The following MAST4 variants were observed in gnomAD, a reference collection of about 807,000 sequenced individuals.
MAST4 encodes the protein microtubule-associated serine/threonine-protein kinase 4.
A neutral mutation model predicts 162.7 loss-of-function variants in MAST4; 89 were observed. That is an observed-to-expected ratio of 0.55 (90% CI 0.46 to 0.65). MAST4 has a LOEUF of 0.65. MAST4 is among the 30% of genes least tolerant of loss of function. The pLI is 0.00. For synonymous variants in MAST4, 1,479 were observed against 1,361.1 expected, an observed-to-expected ratio of 1.09 and a Z score of -1.91; for missense variants, 3,153 against 3,374.0, an observed-to-expected ratio of 0.93 and a Z score of 1.62.
At chr5:66,724,709 A>C (rs1215432455) in intron 1 of MAST4, among the ~76,000 whole-genome samples, 1 of 152,160 alleles carries the variant, frequency 6.6e-6, no homozygotes, top group Non-Finnish European at 1.5e-5. Context: ...TACTGTAAGC[A>C]GTTGTAACAC....
At chr5:66,640,353 G>C (rs1443245803) in intron 1 of MAST4, among the ~76,000 whole-genome samples, 2 of 151,052 alleles carry the variant, frequency 1.3e-5, no homozygotes, top group Non-Finnish European at 2.9e-5. Flanking sequence ...TGTTGCCCAG[G>C]CTGCACTGCA....
chr5:66,974,162 T>A (rs1457708607), intron 4 of MAST4, among the ~76,000 whole-genome samples: 1 of 152,226 alleles, frequency 6.6e-6, no homozygotes, highest in Non-Finnish European at 1.5e-5. Context: ...TGCTTCATGA[T>A]GTTTCTTATA....
chr5:66,672,373 G>C (rs1433693015), intron 1 of MAST4, among the ~76,000 whole-genome samples: 1 of 151,824 alleles, frequency 6.6e-6, no homozygotes, highest in Non-Finnish European at 1.5e-5. Flanking sequence ...TTTTTATTCT[G>C]TCCCATCCCC....
chr5:66,864,377 G>A (rs546105098), intron 3 of MAST4, among the ~76,000 whole-genome samples: 303 of 152,220 alleles, frequency 2.0e-3, no homozygotes, highest in Non-Finnish European at 3.1e-3. Context: ...TGGGAACAGC[G>A]CAAAGACCAG....
chr5:67,159,028 G>A (rs1214947818), intron 26 of MAST4, among the ~76,000 whole-genome samples: 1 of 152,170 alleles, frequency 6.6e-6, no homozygotes, highest in Non-Finnish European at 1.5e-5. Flanking sequence ...GAGTGAAACT[G>A]TGTCTCAAAA....
intron 4 of MAST4, among the ~76,000 whole-genome samples, chr5:66,957,017 T>C (rs377675054): frequency 1.3e-5 from 2 of 152,174 alleles, no homozygotes; most frequent in African/African-American, 4.8e-5. Context: ...GTGAGTTTTC[T>C]TTTGGGTATG....
chr5:66,734,337 C>A (rs991235765), intron 1 of MAST4, among the ~76,000 whole-genome samples: 1 of 152,072 alleles, frequency 6.6e-6, no homozygotes, highest in Non-Finnish European at 1.5e-5. Flanking sequence ...GAAGAATAAT[C>A]CATAGAACTT....
intron 3 of MAST4, among the ~76,000 whole-genome samples, chr5:66,854,484 C>T (rs1759532223): frequency 6.6e-6 from 1 of 152,128 alleles, no homozygotes; most frequent in African/African-American, 2.4e-5. Context: ...GCTGGGGCTG[C>T]AGCTACTTCA....
chr5:66,965,607 G>A (rs960772740), intron 4 of MAST4, among the ~76,000 whole-genome samples: 1 of 145,630 alleles, frequency 6.9e-6, no homozygotes, highest in Non-Finnish European at 1.5e-5. Flanking sequence ...GGCGGTGAAG[G>A]ATAAAACCAG....
intron 4 of MAST4, among the ~76,000 whole-genome samples, chr5:67,028,188 C>T (rs1754897599): frequency 1.3e-5 from 2 of 152,046 alleles, no homozygotes; most frequent in Non-Finnish European, 2.9e-5. Flanking sequence ...AAAAAGTGGG[C>T]TGTGAAAGAA....
At chr5:67,131,562 TTAAAG>T (rs1339207659) in intron 15 of MAST4, among the ~76,000 whole-genome samples, 15 of 152,168 alleles carry the variant, frequency 9.9e-5, no homozygotes, top group African/African-American at 3.6e-4. Flanking sequence ...TAGCCGTTCT[TTAAAG>T]TACAGTTTCA....
chr5:66,771,192 T>G (rs191956979), intron 2 of MAST4, among the ~76,000 whole-genome samples: 95 of 152,202 alleles, frequency 6.2e-4, no homozygotes, highest in African/African-American at 2.2e-3. Context: ...CTTTCTTTTT[T>G]TTTTTTATTT....
chr5:66,616,964 G>C (rs1419953760), intron 1 of MAST4, among the ~76,000 whole-genome samples: 3 of 152,078 alleles, frequency 2.0e-5, no homozygotes, highest in Non-Finnish European at 4.4e-5. Context: ...TAGAAAGCCA[G>C]GAAAAAATGG....
intron 26 of MAST4, among the ~76,000 whole-genome samples, chr5:67,158,716 A>G (rs1435214850): frequency 6.6e-6 from 1 of 152,252 alleles, no homozygotes; most frequent in Admixed American, 6.5e-5. Flanking sequence ...AAGGGACAAC[A>G]TCAAACTGTG....
chr5:67,054,599 T>C, intron 5 of MAST4, 107 bp downstream of exon 5: 1 of 983,766 alleles, frequency 1.0e-6, no homozygotes, highest in Non-Finnish European at 1.5e-6. Flanking sequence ...GTTATCTTTG[T>C]TTTCCTGCTG....
At chr5:66,971,677 A>G (rs1191001721) in intron 4 of MAST4, among the ~76,000 whole-genome samples, 1 of 152,150 alleles carries the variant, frequency 6.6e-6, no homozygotes, top group African/African-American at 2.4e-5. Flanking sequence ...TATTCTATGG[A>G]GGCTTAACAG....
At chr5:66,862,344 A>G (rs1760179627) in intron 3 of MAST4, among the ~76,000 whole-genome samples, 2 of 152,190 alleles carry the variant, frequency 1.3e-5, no homozygotes, top group South Asian at 2.1e-4. Context: ...ATGTGATATC[A>G]TTAGATTTTT....
intron 4 of MAST4, among the ~76,000 whole-genome samples, chr5:67,010,934 G>A (rs980446807): frequency 5.9e-5 from 9 of 152,178 alleles, no homozygotes; most frequent in African/African-American, 2.2e-4. Context: ...TACAGCAGCA[G>A]CGCAGCTATG....
At chr5:66,683,393 A>G (rs1187001202) in intron 1 of MAST4, among the ~76,000 whole-genome samples, 1 of 152,152 alleles carries the variant, frequency 6.6e-6, no homozygotes, top group Non-Finnish European at 1.5e-5. Context: ...TTTAAAAGGT[A>G]CATGTAGTGG....
Sources: allele counts gnomAD v4.1 joint callset (sites outside exome capture counted in the v4.1 genomes callset), GRCh38; gene constraint gnomAD v4.1.1; transcripts MANE v1.5; gene names NCBI Gene and HGNC (gene_info 2026-07-23, HGNC 2026-07-21).